The following SLC24A2 variants were observed in gnomAD, a reference collection of about 807,000 sequenced individuals.
SLC24A2 encodes the protein sodium/potassium/calcium exchanger 2.
In SLC24A2, 36 loss-of-function variants were observed where a neutral mutation model predicts 62.0. The observed-to-expected ratio is 0.58, with a 90% CI of 0.44 to 0.77. SLC24A2 has a LOEUF of 0.77. Among genes scored for constraint, SLC24A2 ranks in the 30% least tolerant of loss-of-function variants. The probability of loss-of-function intolerance (pLI) is 0.00; values close to 1 mark genes in which losing one functional copy is unlikely to be tolerated. For missense variants in SLC24A2, 846 were observed against 817.9 expected (o/e 1.03, Z -0.42); for synonymous variants, 358 against 294.0 (o/e 1.22, Z -2.23).
intron 2 of SLC24A2, among the ~76,000 whole-genome samples, chr9:19,648,725 C>T (rs1349317514): frequency 6.6e-6 from 1 of 152,100 alleles, no homozygotes; most frequent in African/African-American, 2.4e-5. Flanking sequence ...TTAAAGAGGA[C>T]ACTTTTAAGA....
At chr9:19,816,510 A>G in the SLC24A2 span, among the ~76,000 whole-genome samples, 1 of 152,172 alleles carries the variant, frequency 6.6e-6, no homozygotes, top group Non-Finnish European at 1.5e-5. Flanking sequence ...GGTGGTAGCT[A>G]CCTGTATTAC....
At chr9:20,225,862 G>T in the SLC24A2 span, among the ~76,000 whole-genome samples, 1 of 151,580 alleles carries the variant, frequency 6.6e-6, no homozygotes, top group Admixed American at 6.6e-5. Flanking sequence ...CCCAGCATTT[G>T]TTCCTCTTGT....
intron 7 of SLC24A2, among the ~76,000 whole-genome samples, chr9:19,553,869 G>A (rs917908014): frequency 3.3e-5 from 5 of 152,174 alleles, no homozygotes; most frequent in Admixed American, 1.3e-4. Context: ...GCCGGTTAAC[G>A]TGGCAAGAGA....
At chr9:20,147,181 A>G in the SLC24A2 span, among the ~76,000 whole-genome samples, 3 of 152,122 alleles carry the variant, frequency 2.0e-5, no homozygotes, top group African/African-American at 7.2e-5. Flanking sequence ...TTGGGTTTGG[A>G]TACCTTTCCT....
At chr9:19,534,385 TC>T (rs368156526) in intron 8 of SLC24A2, among the ~76,000 whole-genome samples, 104 of 152,310 alleles carry the variant, frequency 6.8e-4, no homozygotes, top group African/African-American at 2.3e-3. Flanking sequence ...CACTTTAAGT[TC>T]TTGGGTACAT....
chr9:19,527,167 A>C (rs1449586207), intron 9 of SLC24A2, among the ~76,000 whole-genome samples: 1 of 152,194 alleles, frequency 6.6e-6, no homozygotes, highest in African/African-American at 2.4e-5. Flanking sequence ...GTTGCCAAGT[A>C]TAATAATTTT....
chr9:19,693,687 A>C (rs965578834), intron 2 of SLC24A2, among the ~76,000 whole-genome samples: 2 of 152,144 alleles, frequency 1.3e-5, no homozygotes, highest in Non-Finnish European at 2.9e-5. Context: ...CTAAAAGGTC[A>C]GTTTCATTTT....
At chr9:19,890,482 A>G in the SLC24A2 span, among the ~76,000 whole-genome samples, 1 of 152,146 alleles carries the variant, frequency 6.6e-6, no homozygotes, top group Non-Finnish European at 1.5e-5. Flanking sequence ...TGATACAATT[A>G]ATTACTTCCT....
intron 2 of SLC24A2, among the ~76,000 whole-genome samples, chr9:19,756,565 G>T (rs1822145562): frequency 6.6e-6 from 1 of 152,140 alleles, no homozygotes; most frequent in Admixed American, 6.6e-5. Context: ...AGTTTCTGTT[G>T]TCAGAAGTCC....
At chr9:19,823,558 G>A in the SLC24A2 span, among the ~76,000 whole-genome samples, 57 of 152,096 alleles carry the variant, frequency 3.7e-4, no homozygotes, top group African/African-American at 1.4e-3. Flanking sequence ...GAACCAGGGA[G>A]TTGGAGGTTG....
At chr9:19,966,992 T>C in the SLC24A2 span, among the ~76,000 whole-genome samples, 171 of 152,270 alleles carry the variant, frequency 1.1e-3, 4 homozygotes, top group East Asian at 0.031. Context: ...TGTTTGATCT[T>C]TTCTGCTTGA....
intron 2 of SLC24A2, among the ~76,000 whole-genome samples, chr9:19,710,193 T>G (rs143713227): frequency 6.6e-6 from 1 of 152,140 alleles, no homozygotes; most frequent in African/African-American, 2.4e-5. Context: ...TTTGACTGAT[T>G]AATTCATCAT....
intron 2 of SLC24A2, among the ~76,000 whole-genome samples, chr9:19,748,126 C>T (rs1389259273): frequency 6.6e-6 from 1 of 152,046 alleles, no homozygotes; most frequent in Non-Finnish European, 1.5e-5. Context: ...ATGTGTGTTC[C>T]CAGGTTATTT....
chr9:19,674,248 A>G (rs58050706), intron 2 of SLC24A2, among the ~76,000 whole-genome samples: 6,779 of 152,224 alleles, frequency 0.045, 183 homozygotes, highest in Middle Eastern at 0.15. Flanking sequence ...TGTTAATCTG[A>G]TAGGTTTTCT....
the SLC24A2 span, among the ~76,000 whole-genome samples, chr9:20,287,655 G>A: frequency 6.0e-3 from 911 of 152,262 alleles, 13 homozygotes; most frequent in East Asian, 0.029. Flanking sequence ...ACGTGCCTTC[G>A]CAGAGCTTTC....
the SLC24A2 span, among the ~76,000 whole-genome samples, chr9:19,934,208 C>G: frequency 1.3e-5 from 2 of 152,192 alleles, no homozygotes; most frequent in East Asian, 3.9e-4. The surrounding 1 kb of genome is among the most constrained non-coding windows in gnomAD (Gnocchi z 4.1). Context: ...TACAGCCTGG[C>G]TCTCTGAGAG....
intron 6 of SLC24A2, among the ~76,000 whole-genome samples, chr9:19,576,166 C>T (rs1370922840): frequency 1.3e-5 from 2 of 152,122 alleles, no homozygotes; most frequent in Non-Finnish European, 2.9e-5. Flanking sequence ...GAGAGCAATG[C>T]TGTTGAATTT....
chr9:20,132,178 C>T, the SLC24A2 span, among the ~76,000 whole-genome samples: 1 of 152,004 alleles, frequency 6.6e-6, no homozygotes, highest in Admixed American at 6.6e-5. Context: ...ATCTCCCTGT[C>T]TTCCAAGGAG....
the SLC24A2 span, among the ~76,000 whole-genome samples, chr9:19,881,457 G>A: frequency 3.9e-5 from 6 of 152,202 alleles, no homozygotes; most frequent in Non-Finnish European, 7.3e-5. Flanking sequence ...GAGCTATTCT[G>A]ATGGGAAAGT....
Sources: gnomAD v4.1 joint callset for allele counts (sites outside exome capture counted in the v4.1 genomes callset) on GRCh38, gnomAD v4.1.1 for gene constraint, Gnocchi (gnomAD v3.1) non-coding constraint, MANE v1.5 for transcripts, NCBI Gene and HGNC (gene_info 2026-07-23, HGNC 2026-07-21) for gene names.